RO60: variants seen among roughly 807,000 people sequenced by gnomAD.
RO60 encodes the protein Ro60, Y RNA binding protein, also known as RNA-binding protein RO60.
In RO60, 20 loss-of-function variants were observed where a neutral mutation model predicts 55.3. That is an observed-to-expected ratio of 0.36 (90% CI 0.25 to 0.53). The LOEUF is 0.53. Ranked by LOEUF, RO60 falls within the 20% of genes least tolerant of loss-of-function variation. The probability of loss-of-function intolerance (pLI) is 0.92; values close to 1 mark genes in which losing one functional copy is unlikely to be tolerated. For synonymous variants in RO60, 213 were observed against 213.6 expected (o/e 1.00, Z 0.02); for missense variants, 558 against 646.6 (o/e 0.86, Z 1.49).
chr1:193,083,064 T>C (rs534146180), intron 8 of RO60, among the ~76,000 whole-genome samples: 6 of 152,304 alleles, frequency 3.9e-5, no homozygotes, highest in African/African-American at 1.4e-4. Flanking sequence ...TTGATTCTTA[T>C]TCACTTATGT....
downstream of RO60, chr1:193,091,638 C>T (rs1356251536): frequency 1.2e-6 from 2 of 1,606,030 alleles, no homozygotes; most frequent in Admixed American, 3.4e-5. Context: ...GAAATCCTTT[C>T]TCTCCTTTCT....
chr1:193,082,056 T>C, intron 6 of RO60, 130 bp from the exon 7 acceptor site: 1 of 695,288 alleles, frequency 1.4e-6, no homozygotes, highest in South Asian at 1.6e-5. Context: ...TAATGTATAG[T>C]TCTAAAACAC....
intron 1 of RO60, among the ~76,000 whole-genome samples, chr1:193,068,132 T>C (rs1673239398): frequency 6.6e-6 from 1 of 152,230 alleles, no homozygotes; most frequent in African/African-American, 2.4e-5. Context: ...TGACTTATCA[T>C]GTCATACTGG....
At chr1:193,064,045 T>A (rs570522683) in intron 1 of RO60, among the ~76,000 whole-genome samples, 4 of 151,580 alleles carry the variant, frequency 2.6e-5, no homozygotes, top group Non-Finnish European at 1.5e-5. Context: ...TAGACACATA[T>A]GGCAAGGTCT....
chr1:193,067,298 G>A lies in RO60; in HGVS notation c.-21-1736G>A, dbSNP rs188701489. Among the ~76,000 whole-genome samples, 1,053 of 148,052 alleles carry A rather than the reference G, an allele frequency of 7.1e-3. 10 individuals are homozygous for A. The highest frequency in any genetic ancestry group is 0.01 in the Non-Finnish European group (702 of 67,536). On this transcript the variant is annotated intron_variant, in intron 1 of 8. Transcript: ENST00000400968. Reference sequence around the variant, plus strand: ...CCTCCCGGGTTCACGCCATTCTCCTGCCTCAGCCTCCCTCCTGAGTAGCTG... The same window carrying A: ...CCTCCCGGGTTCACGCCATTCTCCTACCTCAGCCTCCCTCCTGAGTAGCTG...
intron 5 of RO60, among the ~76,000 whole-genome samples, chr1:193,078,728 GAATA>G (rs1674095508): frequency 6.6e-6 from 1 of 151,896 alleles, no homozygotes. Flanking sequence ...ATTAAGTCAT[GAATA>G]AATAGAAACA....
In RO60 at chr1:193,084,905, G is replaced by A. The variant is rs1423966302; in HGVS notation, c.*174G>A. The A allele has an allele frequency of 4.7e-6, 7 of 1,492,172 alleles. No homozygotes were observed. Among genetic ancestry groups the A allele is most frequent in the Non-Finnish European group, 1.8e-6 (2 of 1,127,444 alleles). 92.4% of individuals were successfully genotyped at this position (1,492,172 alleles called of 1,614,324 possible). ...AAGGAAAAATAAGATGGGCCCAAAG[G>A]TCTATCTACTAAACTAGCTCTTGGG... On this transcript the variant is annotated 3_prime_UTR_variant, in exon 9 of 9. Coordinates refer to ENST00000400968, the MANE Select transcript of RO60 (RefSeq NM_001173524.2).
Position 193,076,498 on chromosome 1 carries a change from T to C in RO60, c.802-3T>C, listed in dbSNP as rs1394253622. The C allele has an allele frequency of 6.2e-7, 1 of 1,608,372 alleles. No individual in the cohort carries two copies. The highest frequency in any genetic ancestry group is 1.1e-5 in the South Asian group (1 of 89,608). ...GGTATTTCTGCCTATGTTATTGCAA[T>C]AGGTATGGAAGGCTTTGTTACAAGA... On this transcript the variant is annotated splice_polypyrimidine_tract_variant and splice_region_variant and intron_variant, in intron 3 of 8. Transcript: ENST00000400968.
intron 1 of RO60, among the ~76,000 whole-genome samples, chr1:193,068,690 T>G (rs1673279292): frequency 6.6e-6 from 1 of 152,234 alleles, no homozygotes; most frequent in Non-Finnish European, 1.5e-5. Flanking sequence ...TGCTTCTGAT[T>G]ATCACACCAC....
intron 2 of RO60, among the ~76,000 whole-genome samples, chr1:193,071,834 A>G (rs1380483194): frequency 7.6e-6 from 1 of 132,340 alleles, no homozygotes; most frequent in African/African-American, 2.6e-5. Context: ...ACATATATAT[A>G]CCTATATATG....
intron 1 of RO60, chr1:193,060,092 C>T (rs1672407045): frequency 8.0e-7 from 1 of 1,243,338 alleles, no homozygotes; most frequent in Non-Finnish European, 1.0e-6. Context: ...CTTTACTCCT[C>T]CTCTTTCTCC....
chr1:193,066,283 A>G (rs1673099923), intron 1 of RO60, among the ~76,000 whole-genome samples: 1 of 152,156 alleles, frequency 6.6e-6, no homozygotes. Flanking sequence ...CTTCCCATTG[A>G]AAAAGGTAAA....
At position 193,082,745 on chromosome 1, in the gene RO60, ATAT is replaced by A. The variant is rs1348658902; in HGVS notation, c.1464+42_1464+44del. ...TCTAATACGGTTCCTCACCCAAATA[ATAT>A]TATTTTAATACTTGATTTTTTTTTT... is the stretch of plus-strand genomic sequence containing the variant. On this transcript the variant is annotated intron_variant, in intron 8 of 8. Coordinates refer to ENST00000400968, the MANE Select transcript of RO60 (RefSeq NM_001173524.2). 3.9e-6 allele frequency: 6 copies of A among 1,533,206 alleles called. No individual in the cohort carries two copies. The Admixed American group carries it at 6.3e-5, about 16-fold the overall frequency. 95.0% of individuals were successfully genotyped at this position (1,533,206 alleles called of 1,614,324 possible).
Position 193,076,599 on chromosome 1 carries a change from AG to A in RO60, c.901del (p.Val301TyrfsTer3). On this transcript the variant is annotated frameshift_variant, in exon 4 of 9. Transcript: ENST00000400968. LOFTEE classifies it high-confidence loss of function. ...NSVLEPGNSE[V>X]SLVCEKLCNE... ...CAGTACTTGAACCAGGAAATTCAGAAGTATCTTTAGTATGTGAAAAACTGTG... is the reference window on the plus strand; with the variant it reads ...CAGTACTTGAACCAGGAAATTCAGAATATCTTTAGTATGTGAAAAACTGTG... 2 of 1,609,492 alleles carry A rather than the reference AG, an allele frequency of 1.2e-6. No homozygotes were observed.
chr1:193,073,871 A>C, intron 2 of RO60, among the ~76,000 whole-genome samples: 1 of 147,638 alleles, frequency 6.8e-6, no homozygotes, highest in Admixed American at 6.7e-5. Flanking sequence ...ATATCTCCTA[A>C]TGCTATCCCT....
At chr1:193,079,579 A>G (rs1251642454) in intron 5 of RO60, among the ~76,000 whole-genome samples, 1 of 152,184 alleles carries the variant, frequency 6.6e-6, no homozygotes, top group Non-Finnish European at 1.5e-5. Context: ...GAAAACACCA[A>G]AAACACAGGC....
intron 2 of RO60, among the ~76,000 whole-genome samples, chr1:193,072,079 C>T (rs535621690): frequency 1.3e-5 from 2 of 152,246 alleles, no homozygotes; most frequent in South Asian, 4.1e-4. Flanking sequence ...TCTAGGCTCA[C>T]TGTAACCTCC....
Position 193,082,144 on chromosome 1 carries a change from C to T in RO60, c.1204-42C>T, listed in dbSNP as rs766643088. 4 of 1,139,026 alleles carry T rather than the reference C, an allele frequency of 3.5e-6. No homozygotes were observed. The South Asian group carries it at 3.8e-5, about 11-fold the overall frequency. 70.6% of individuals were successfully genotyped at this position (1,139,026 alleles called of 1,614,324 possible). On this transcript the variant is annotated intron_variant, in intron 6 of 8. Transcript: ENST00000400968. The stretch of plus-strand genomic sequence containing the variant: ...GGATAAAATTCAAAATATTGTATTT[C>T]CCCCCAAATTTGCTGAAAATTACTG...
intron 5 of RO60, among the ~76,000 whole-genome samples, chr1:193,079,719 G>A (rs986266595): frequency 6.6e-6 from 1 of 152,072 alleles, no homozygotes; most frequent in Non-Finnish European, 1.5e-5. Context: ...TCCGATAAGG[G>A]CCTAATATCC....
Sources: gnomAD v4.1 joint callset for allele counts (sites outside exome capture counted in the v4.1 genomes callset) on GRCh38, gnomAD v4.1.1 for gene constraint, MANE v1.5 for transcripts, NCBI Gene and HGNC (gene_info 2026-07-23, HGNC 2026-07-21) for gene names.